CCDC89: variants seen among roughly 807,000 people sequenced by gnomAD.
CCDC89 encodes the protein coiled-coil domain-containing protein 89.
A neutral mutation model predicts 29.3 loss-of-function variants in CCDC89; 28 were observed. The ratio of observed to expected loss-of-function variants is 0.96; its 90% CI spans 0.71 to 1.31. The LOEUF (loss-of-function observed/expected upper bound fraction) is 1.31, where lower values mean the gene tolerates loss of function less well. CCDC89 is among the 50% of genes most tolerant of loss of function. The pLI, the probability that CCDC89 is intolerant of heterozygous loss-of-function variation, is 0.00. For missense variants in CCDC89, 484 were observed against 442.3 expected, an observed-to-expected ratio of 1.09 and a Z score of -0.85; for synonymous variants, 191 against 179.7, an observed-to-expected ratio of 1.06 and a Z score of -0.51.
Position 85,685,703 on chromosome 11 carries a change from T to C in CCDC89, c.428A>G (p.Tyr143Cys), listed in dbSNP as rs911013150. Residue 143 changes from tyrosine (Y) to cysteine (C), a missense_variant, in exon 1 of 1, where the codon TAC becomes TGC. Transcript: ENST00000316398. ...CCTCAGCTTGATGTTCTCACTCTTG[T>C]ATTCATCCTTGAAGCGGAGCATCAA... Reference protein sequence around the residue: ...HELMLRFKDEYKSENIKLREE... With the variant: ...HELMLRFKDECKSENIKLREE... 2 of 1,614,048 alleles carry C rather than the reference T, an allele frequency of 1.2e-6. No individual in the cohort carries two copies. Among genetic ancestry groups the C allele is most frequent in the Non-Finnish European group, 1.7e-6 (2 of 1,180,038 alleles).
chr11:85,684,796 C>T lies in CCDC89; in HGVS notation c.*210G>A. 3.6e-6 allele frequency: 2 copies of T among 554,896 alleles called. No homozygotes were observed. Among genetic ancestry groups the T allele is most frequent in the Non-Finnish European group, 6.0e-6 (2 of 330,764 alleles). The allele number at this position is 554,896 out of a possible 1,614,324, so 34.4% of individuals were successfully genotyped here. A position where few individuals can be genotyped will look rare whatever the true frequency, so the allele number is the denominator to read the frequency against. ...AGATTTCTAAGGCACAGAAGGAAATCTGGCAAATCTTGTGTATTCTAGGTG... is the reference window on the plus strand; with the variant it reads ...AGATTTCTAAGGCACAGAAGGAAATTTGGCAAATCTTGTGTATTCTAGGTG... On this transcript the variant is annotated 3_prime_UTR_variant, in exon 1 of 1. Transcript: ENST00000316398.
Position 85,684,726 on chromosome 11 carries a change from GAATT to G in CCDC89, c.*276_*279del. 2.7e-6 allele frequency: 1 copy of G among 368,196 alleles called. No individual in the cohort carries two copies. The allele number at this position is 368,196 out of a possible 1,614,324, so 22.8% of individuals were successfully genotyped here. A position where few individuals can be genotyped will look rare whatever the true frequency, so the allele number is the denominator to read the frequency against. On this transcript the variant is annotated 3_prime_UTR_variant, in exon 1 of 1. Transcript: ENST00000316398. The stretch of plus-strand genomic sequence containing the variant: ...CATAAATGAAGATATCTGAGGTTGA[GAATT>G]AATAACTTATGGGTAGGAGAAGATA...
In CCDC89 at chr11:85,684,883, T is replaced by G; in HGVS notation, c.*123A>C. The G allele has an allele frequency of 1.9e-6, 2 of 1,026,570 alleles. No individual in the cohort carries two copies. Among genetic ancestry groups the G allele is most frequent in the Non-Finnish European group, 2.8e-6 (2 of 714,422 alleles). 63.6% of individuals were successfully genotyped at this position (1,026,570 alleles called of 1,614,324 possible). A position where few individuals can be genotyped will look rare whatever the true frequency, so the allele number is the denominator to read the frequency against. On this transcript the variant is annotated 3_prime_UTR_variant, in exon 1 of 1. Coordinates refer to ENST00000316398, the MANE Select transcript of CCDC89 (RefSeq NM_152723.3). ...CAACAATATCATAGTAAAGTAGCTT[T>G]TCTTTGAGTTGCCTTTTGTGCTTGA...
chr11:85,686,148 C>T lies in CCDC89; in HGVS notation c.-18G>A, dbSNP rs749247624. 1.9e-6 allele frequency: 3 copies of T among 1,596,234 alleles called. No individual in the cohort carries two copies. In the Admixed American group the frequency reaches 5.3e-5, roughly 28 times the overall value. ...GCTCTCATCCACTAAGGGCTGACTA[C>T]AGTCTTTTCCCCTCAGATTTCAAAC... On this transcript the variant is annotated 5_prime_UTR_variant, in exon 1 of 1. Coordinates refer to ENST00000316398, the MANE Select transcript of CCDC89 (RefSeq NM_152723.3).
Position 85,686,140 on chromosome 11 carries a change from G to A in CCDC89, c.-10C>T, listed in dbSNP as rs1158793700. ...GCATAGGCGCTCTCATCCACTAAGG[G>A]CTGACTACAGTCTTTTCCCCTCAGA... On this transcript the variant is annotated 5_prime_UTR_variant, in exon 1 of 1. Coordinates refer to ENST00000316398, the MANE Select transcript of CCDC89 (RefSeq NM_152723.3). 1 of 1,606,340 alleles carries A rather than the reference G, an allele frequency of 6.2e-7. No individual in the cohort carries two copies. The highest frequency in any genetic ancestry group is 8.5e-7 in the Non-Finnish European group (1 of 1,176,672).
In CCDC89 at chr11:85,685,573, G is replaced by A; in HGVS notation, c.558C>T (p.Leu186=). The A allele has an allele frequency of 6.2e-7, 1 of 1,614,160 alleles. No individual in the cohort carries two copies. ...CCTTCAGCGTTTCTAGCTCCCCAGTGAGGGCCTCACACCGGACTGTGAGCT... is the reference window on the plus strand; with the variant it reads ...CCTTCAGCGTTTCTAGCTCCCCAGTAAGGGCCTCACACCGGACTGTGAGCT... ...VLQLTVRCEA[L]TGELETLKER... is the part of the protein sequence containing the mutation. The change falls in exon 1 of 1, where the codon CTC becomes CTT. Residue 186 remains leucine (L), a synonymous_variant. Coordinates refer to ENST00000316398, the MANE Select transcript of CCDC89 (RefSeq NM_152723.3).
chr11:85,686,194 A>C lies in CCDC89; in HGVS notation c.-64T>G. The C allele has an allele frequency of 4.0e-6, 6 of 1,514,576 alleles. No homozygotes were observed. The highest frequency in any genetic ancestry group is 5.3e-6 in the Non-Finnish European group (6 of 1,126,476). 93.8% of individuals were successfully genotyped at this position (1,514,576 alleles called of 1,614,324 possible). A position where few individuals can be genotyped will look rare whatever the true frequency, so the allele number is the denominator to read the frequency against. ...CAAACGCTGCAGGGTGTTGCTAGGGACTCTTGGCACTCCCCAGCAGTTGGT... is the reference window on the plus strand; with the variant it reads ...CAAACGCTGCAGGGTGTTGCTAGGGCCTCTTGGCACTCCCCAGCAGTTGGT... On this transcript the variant is annotated 5_prime_UTR_variant, in exon 1 of 1. Coordinates refer to ENST00000316398, the MANE Select transcript of CCDC89 (RefSeq NM_152723.3).
rs765117306 is a variant in CCDC89 at position 85,684,955 on chromosome 11, G to A, written c.*51C>T. On this transcript the variant is annotated 3_prime_UTR_variant, in exon 1 of 1. Coordinates refer to ENST00000316398, the MANE Select transcript of CCDC89 (RefSeq NM_152723.3). ...ATCTTTACTCTTGCCATAATGCTAA[G>A]ACGCAAATATTTGAATTCTGAATTG... is the stretch of plus-strand genomic sequence containing the variant. The A allele has an allele frequency of 6.5e-7, 1 of 1,540,368 alleles. No individual in the cohort carries two copies. Among genetic ancestry groups the A allele is most frequent in the Non-Finnish European group, 8.8e-7 (1 of 1,142,416 alleles).
At position 85,686,059 on chromosome 11, in the gene CCDC89, C is replaced by G; in HGVS notation, c.72G>C (p.Glu24Asp). The G allele has an allele frequency of 6.2e-7, 1 of 1,614,198 alleles. No homozygotes were observed. The highest frequency in any genetic ancestry group is 8.5e-7 in the Non-Finnish European group (1 of 1,180,042). ...MDTPPPEERL[E>D]KQNEKLNNQE... ...GGTTGTTCAGTTTTTCATTTTGCTTCTCTAAGCGTTCTTCAGGGGGCGGGG... is the reference window on the plus strand; with the variant it reads ...GGTTGTTCAGTTTTTCATTTTGCTTGTCTAAGCGTTCTTCAGGGGGCGGGG... Residue 24 changes from glutamate (E) to aspartate (D), a missense_variant, in exon 1 of 1, where the codon GAG (glutamate) becomes GAC (aspartate). Physicochemically the swap from Glu to Asp is conservative, Grantham distance 45 (BLOSUM62 2). Transcript: ENST00000316398.
chr11:85,685,209 T>G lies in CCDC89; in HGVS notation c.922A>C (p.Lys308Gln), dbSNP rs2153331754. 1 of 1,614,026 alleles carries G rather than the reference T, an allele frequency of 6.2e-7. No individual in the cohort carries two copies. The highest frequency in any genetic ancestry group is 2.2e-5 in the East Asian group (1 of 44,886). Residue 308 changes from lysine to glutamine, a missense_variant, in exon 1 of 1, where the codon AAG (lysine) becomes CAG (glutamine). Transcript: ENST00000316398. ...TGCTCAAACCGCTCCAGCGCATGCT[T>G]CCTGTCTTCATTTGCTATCTCCAAC... The part of the protein sequence containing the change: ...EKLEIANEDR[K>Q]HALERFEQEA...
rs1361524114 is a variant in CCDC89, at chr11:85,684,244, G to A, written c.*762C>T. ...TTACTCTATAGATCACGTCTGCTAT[G>A]ATTTGTTACCCCAAATTGTCTAATT... On this transcript the variant is annotated 3_prime_UTR_variant, in exon 1 of 1. Transcript: ENST00000316398. 6.6e-6 allele frequency among the ~76,000 whole-genome samples: 1 copy of A among 152,144 alleles called. No homozygotes were observed. The highest frequency in any genetic ancestry group is 2.4e-5 in the African/African-American group (1 of 41,432).
chr11:85,685,076 T>C lies in CCDC89; in HGVS notation c.1055A>G (p.Lys352Arg), dbSNP rs530112724. ...DELRLQSEAF[K>R]KHSLDLLSKE... ...GCTTAAAAGATCCAAGCTGTGCTTTTTGAAGGCTTCAGACTGCAGCCTGAG... is the reference window on the plus strand; with the variant it reads ...GCTTAAAAGATCCAAGCTGTGCTTTCTGAAGGCTTCAGACTGCAGCCTGAG... Residue 352 changes from lysine to arginine, a missense_variant, in exon 1 of 1, where the codon AAA becomes AGA. Coordinates refer to ENST00000316398, the MANE Select transcript of CCDC89 (RefSeq NM_152723.3). 6 of 1,614,236 alleles carry C rather than the reference T, an allele frequency of 3.7e-6. No homozygotes were observed. Among genetic ancestry groups the C allele is most frequent in the African/African-American group, 1.3e-5 (1 of 75,066 alleles).
chr11:85,685,587 G>C lies in CCDC89; in HGVS notation c.544C>G (p.Arg182Gly). Residue 182 changes from arginine to glycine, a missense_variant, in exon 1 of 1, where the codon CGG (arginine) becomes GGG (glycine). Arg to Gly is a moderately radical substitution (Grantham distance 125). Coordinates refer to ENST00000316398, the MANE Select transcript of CCDC89 (RefSeq NM_152723.3). ...EEAKVLQLTV[R>G]CEALTGELET... is the part of the protein sequence containing the mutation. ...AGCTCCCCAGTGAGGGCCTCACACC[G>C]GACTGTGAGCTGTAATACTTTCGCC... is the stretch of plus-strand genomic sequence containing the variant. The C allele has an allele frequency of 6.2e-7, 1 of 1,614,120 alleles. No homozygotes were observed. Among genetic ancestry groups the C allele is most frequent in the Non-Finnish European group, 8.5e-7 (1 of 1,180,022 alleles).
In CCDC89 at chr11:85,684,040, G is replaced by T. The variant is rs1229820326; in HGVS notation, c.*966C>A. Among the ~76,000 whole-genome samples, 7 of 151,902 alleles carry T rather than the reference G, an allele frequency of 4.6e-5. No homozygotes were observed. Among genetic ancestry groups the T allele is most frequent in the Non-Finnish European group, 1.0e-4 (7 of 67,962 alleles). ...GATAAGAAAATATAACTACCTTTGA[G>T]AACTTTTTTAAGAACTTTACATATA... On this transcript the variant is annotated 3_prime_UTR_variant, in exon 1 of 1. Transcript: ENST00000316398.
Position 85,684,254 on chromosome 11 carries a change from C to T in CCDC89, c.*752G>A, listed in dbSNP as rs978923732. 4.6e-5 allele frequency among the ~76,000 whole-genome samples: 7 copies of T among 151,928 alleles called. No individual in the cohort carries two copies. Among genetic ancestry groups the T allele is most frequent in the African/African-American group, 1.7e-4 (7 of 41,352 alleles). Reference sequence around the variant, plus strand: ...GATCACGTCTGCTATGATTTGTTACCCCAAATTGTCTAATTGTCTATTAGC... The same window carrying T: ...GATCACGTCTGCTATGATTTGTTACTCCAAATTGTCTAATTGTCTATTAGC... On this transcript the variant is annotated 3_prime_UTR_variant, in exon 1 of 1. Transcript: ENST00000316398.
rs1163096175 is a variant in CCDC89, at chr11:85,684,754, T to C, written c.*252A>G. The C allele has an allele frequency of 8.7e-6, 4 of 458,242 alleles. No homozygotes were observed. The highest frequency in any genetic ancestry group is 1.5e-5 in the Non-Finnish European group (4 of 261,314). The allele number at this position is 458,242 out of a possible 1,614,324, so 28.4% of individuals were successfully genotyped here. ...TTAATAACTTATGGGTAGGAGAAGA[T>C]ACTACTAGTAAATTTAAGATTTCTA... On this transcript the variant is annotated 3_prime_UTR_variant, in exon 1 of 1. Transcript: ENST00000316398.
In CCDC89 at chr11:85,686,005, C is replaced by T. The variant is rs1377730933; in HGVS notation, c.126G>A (p.Leu42=). ...NQEEETEFKE[L]DGLREALANL... ...TTGCCAAGGCTTCCCTCAGACCGTC[C>T]AGTTCCTTAAACTCCGTCTCCTCTT... The change falls in exon 1 of 1, where the codon CTG becomes CTA. Residue 42 remains leucine, a synonymous_variant. Coordinates refer to ENST00000316398, the MANE Select transcript of CCDC89 (RefSeq NM_152723.3). The T allele has an allele frequency of 6.2e-7, 1 of 1,614,070 alleles. No individual in the cohort carries two copies.
chr11:85,685,735 G>C lies in CCDC89; in HGVS notation c.396C>G (p.Asn132Lys). ...LEERFMTLAA[N>K]HELMLRFKDE... is the part of the protein sequence containing the mutation. Reference sequence around the variant, plus strand: ...CCTTGAAGCGGAGCATCAACTCGTGGTTGGCTGCTAGGGTCATAAAGCGTT... The same window carrying C: ...CCTTGAAGCGGAGCATCAACTCGTGCTTGGCTGCTAGGGTCATAAAGCGTT... The change falls in exon 1 of 1, where the codon AAC (asparagine) becomes AAG (lysine). Residue 132 changes from asparagine to lysine, a missense_variant. Transcript: ENST00000316398. The C allele has an allele frequency of 6.2e-7, 1 of 1,614,104 alleles. No homozygotes were observed. The highest frequency in any genetic ancestry group is 8.5e-7 in the Non-Finnish European group (1 of 1,180,024).
rs745639426 is a variant in CCDC89, at chr11:85,685,535, T to C, written c.596A>G (p.Gln199Arg). ...ELETLKERCAQDACQAQAREK... is the reference protein window; with the variant it reads ...ELETLKERCARDACQAQAREK... ...GCGCGCCTGTGCCTGGCAGGCATCC[T>C]GAGCACACCTCTCCTTCAGCGTTTC... The change falls in exon 1 of 1, where the codon CAG becomes CGG. Residue 199 changes from glutamine (Q) to arginine (R), a missense_variant. Transcript: ENST00000316398. The C allele has an allele frequency of 2.5e-6, 4 of 1,614,176 alleles. No homozygotes were observed. The highest frequency in any genetic ancestry group is 2.5e-6 in the Non-Finnish European group (3 of 1,180,028).
Sources: allele counts gnomAD v4.1 joint callset (sites outside exome capture counted in the v4.1 genomes callset), GRCh38; gene constraint gnomAD v4.1.1; transcripts MANE v1.5; gene names NCBI Gene and HGNC (gene_info 2026-07-23, HGNC 2026-07-21).